Variants in RBFOX3 observed in about 807,000 individuals in gnomAD.
RBFOX3 encodes RNA binding protein fox-1 homolog 3.
A neutral mutation model predicts 48.7 loss-of-function variants in RBFOX3; 17 were observed. The ratio of observed to expected loss-of-function variants is 0.35; its 90% CI spans 0.24 to 0.52. RBFOX3 has a LOEUF of 0.52. Ranked by LOEUF, RBFOX3 falls within the 20% of genes least tolerant of loss-of-function variation. The pLI is 0.94. For missense variants in RBFOX3, 382 were observed against 497.5 expected, an observed-to-expected ratio of 0.77 and a Z score of 2.21; for synonymous variants, 212 against 209.5, an observed-to-expected ratio of 1.01 and a Z score of -0.10.
At chr17:79,247,527 G>T (rs1451188400) in intron 3 of RBFOX3, among the ~76,000 whole-genome samples, 1 of 152,070 alleles carries the variant, frequency 6.6e-6, no homozygotes, top group East Asian at 1.9e-4. Flanking sequence ...GCCCAGGCTG[G>T]TCTTGAACTT....
rs2076821004 is a variant in RBFOX3 at position 79,311,318 on chromosome 17, A to G, written c.-174-3494T>C. Among the ~76,000 whole-genome samples the G allele has an allele frequency of 6.6e-6, 1 of 151,792 alleles. No individual in the cohort carries two copies. The highest frequency in any genetic ancestry group is 1.5e-5 in the Non-Finnish European group (1 of 67,982). On this transcript the variant is annotated intron_variant, in intron 2 of 14. Transcript: ENST00000693108. The surrounding 1 kb of genome is among the most constrained non-coding windows in gnomAD (Gnocchi z 4.2). ...CATGTTGGTGGGCACCTGTAGTTCC[A>G]GCTACCCAGGAGGCTGAGGCAGGAG...
the RBFOX3 span, among the ~76,000 whole-genome samples, chr17:79,639,908 C>G: frequency 6.6e-6 from 1 of 152,294 alleles, no homozygotes; most frequent in Middle Eastern, 3.4e-3. Flanking sequence ...ACTATAAGAT[C>G]TGGTGCGAGT....
chr17:79,613,698 G>C (rs998043368), upstream of RBFOX3, among the ~76,000 whole-genome samples: 1 of 152,190 alleles, frequency 6.6e-6, no homozygotes. Context: ...AAGGGGCTGG[G>C]CATGGTGGCT....
At chr17:79,227,964 C>T (rs761775180) in intron 4 of RBFOX3, among the ~76,000 whole-genome samples, 20 of 152,184 alleles carry the variant, frequency 1.3e-4, no homozygotes, top group Admixed American at 6.5e-4. Flanking sequence ...CCTCCCCCTA[C>T]GAATCCTCTG....
At chr17:79,097,808 T>G in intron 9 of RBFOX3, 63 bp from the exon 10 acceptor site, 1 of 1,505,542 alleles carries the variant, frequency 6.6e-7, no homozygotes. Flanking sequence ...CCAAAACGTA[T>G]GCCTGGGAAC....
Position 79,411,807 on chromosome 17 carries a change from C to T in RBFOX3, c.-175+70647G>A, listed in dbSNP as rs77839932. On this transcript the variant is annotated intron_variant, in intron 2 of 14. Transcript: ENST00000693108. ...GAGCCCTGGGCTAGCACTCAGGGGA[C>T]GTTTGCTGAATGAATGAACAATGAA... Among the ~76,000 whole-genome samples, 1,241 of 152,302 alleles carry T rather than the reference C, an allele frequency of 8.1e-3. 14 individuals carry two copies. Among genetic ancestry groups the T allele is most frequent in the African/African-American group, 0.028 (1,157 of 41,552 alleles).
intron 1 of RBFOX3, among the ~76,000 whole-genome samples, chr17:79,540,085 C>T (rs977322782): frequency 3.3e-5 from 5 of 152,188 alleles, no homozygotes; most frequent in African/African-American, 1.2e-4. Context: ...CCTCTCCTTC[C>T]TCATGAAAAC....
Position 79,265,802 on chromosome 17 carries a change from G to C in RBFOX3, c.-73-29997C>G, listed in dbSNP as rs189091872. On this transcript the variant is annotated intron_variant, in intron 3 of 14. Coordinates refer to ENST00000693108, the MANE Select transcript of RBFOX3 (RefSeq NM_001350451.2). ...TATAACCTGCTTCCTGAGAGCCTGC[G>C]GCTGGGCAGGCCTGCCAACTCTGGG... is the stretch of plus-strand genomic sequence containing the variant. Among the ~76,000 whole-genome samples, 5 of 152,274 alleles carry C rather than the reference G, an allele frequency of 3.3e-5. No individual in the cohort carries two copies. In the East Asian group the frequency reaches 9.7e-4, roughly 30 times the overall value.
chr17:79,450,423 T>C (rs1337028960), intron 2 of RBFOX3, among the ~76,000 whole-genome samples: 1 of 152,058 alleles, frequency 6.6e-6, no homozygotes, highest in Admixed American at 6.5e-5. Context: ...TGCCGAGGTA[T>C]TGGCACAGAT....
chr17:79,427,265 C>T (rs1017744829), intron 2 of RBFOX3, among the ~76,000 whole-genome samples: 5 of 152,230 alleles, frequency 3.3e-5, no homozygotes. Context: ...TTCCACATCA[C>T]CCAGCACCAC....
intron 1 of RBFOX3, among the ~76,000 whole-genome samples, chr17:79,577,762 G>A (rs2092912568): frequency 6.6e-6 from 1 of 152,238 alleles, no homozygotes; most frequent in South Asian, 2.1e-4. Flanking sequence ...ACCCAAAGGA[G>A]AAGGGGAGGG....
intron 3 of RBFOX3, among the ~76,000 whole-genome samples, chr17:79,268,439 A>G (rs1030672952): frequency 9.9e-5 from 15 of 152,060 alleles, no homozygotes; most frequent in Non-Finnish European, 5.9e-5. Context: ...CCTTCCTCCA[A>G]GACAGACCTT....
rs1194276390 is a variant in RBFOX3, at chr17:79,555,476, TAATGGTGGTGATGAC to T, written c.-320+55335_-320+55349del. ...GTAGTGATGATGATGATGACAATGA[TAATGGTGGTGATGAC>T]AGTGGTGGTGGTGGTGGTGATGGTG... On this transcript the variant is annotated intron_variant, in intron 1 of 14. Coordinates refer to ENST00000693108, the MANE Select transcript of RBFOX3 (RefSeq NM_001350451.2). 8.2e-4 allele frequency among the ~76,000 whole-genome samples: 118 copies of T among 144,242 alleles called. 4 individuals are homozygous for T. The highest frequency in any genetic ancestry group is 7.3e-4 in the Non-Finnish European group (49 of 67,394). The allele number at this position is 144,242 out of a possible 152,430, so 94.6% of individuals were successfully genotyped here.
chr17:79,657,359 G>C, the RBFOX3 span, among the ~76,000 whole-genome samples: 1 of 152,170 alleles, frequency 6.6e-6, no homozygotes, highest in Non-Finnish European at 1.5e-5. Context: ...TCAACTCTGA[G>C]GCTGGATTCT....
At chr17:79,459,532 G>A (rs2075087846) in intron 2 of RBFOX3, among the ~76,000 whole-genome samples, 1 of 152,172 alleles carries the variant, frequency 6.6e-6, no homozygotes, top group Non-Finnish European at 1.5e-5. Flanking sequence ...GGTACTCCAG[G>A]CTGCAGGACA....
intron 4 of RBFOX3, among the ~76,000 whole-genome samples, chr17:79,168,621 C>A (rs772747138): frequency 6.6e-6 from 1 of 152,192 alleles, no homozygotes; most frequent in Non-Finnish European, 1.5e-5. Context: ...CAGGTGTGGG[C>A]GGCCTGGCCC....
intron 4 of RBFOX3, among the ~76,000 whole-genome samples, chr17:79,183,704 TGTGTGAGTGCGCGCGTGTGCGCGC>T (rs1234740077): frequency 1.3e-5 from 2 of 151,784 alleles, no homozygotes; most frequent in Non-Finnish European, 1.5e-5. Context: ...TGCGTGTGCG[TGTGTGAGTGCGCGCGTGTGCGCGC>T]GTGTGTAGCG....
intron 4 of RBFOX3, among the ~76,000 whole-genome samples, chr17:79,187,841 C>T (rs1279136888): frequency 6.6e-6 from 1 of 151,950 alleles, no homozygotes; most frequent in Non-Finnish European, 1.5e-5. Flanking sequence ...GATGGGAAAC[C>T]CAGCAGACAC....
At chr17:79,428,775 C>G (rs2067870421) in intron 2 of RBFOX3, among the ~76,000 whole-genome samples, 1 of 152,228 alleles carries the variant, frequency 6.6e-6, no homozygotes. Flanking sequence ...CTCCCTGCCC[C>G]CCGGCTTATG....
Sources: gnomAD v4.1 joint callset for allele counts (sites outside exome capture counted in the v4.1 genomes callset) on GRCh38, gnomAD v4.1.1 for gene constraint, Gnocchi (gnomAD v3.1) non-coding constraint, MANE v1.5 for transcripts, NCBI Gene and HGNC (gene_info 2026-07-23, HGNC 2026-07-21) for gene names.